The following ELMOD2 variants were observed in gnomAD, a reference collection of about 807,000 sequenced individuals.
ELMOD2 encodes the protein ELMO domain containing 2, also known as ELMO domain-containing protein 2.
Under a neutral mutation model 41.0 loss-of-function variants are expected in ELMOD2, and 28 were observed. That is an observed-to-expected ratio of 0.68 (90% CI 0.51 to 0.94). The LOEUF is 0.94. ELMOD2 is among the 40% of genes least tolerant of loss of function. ELMOD2 has a pLI of 0.00. For missense variants in ELMOD2, 333 were observed against 343.1 expected, an observed-to-expected ratio of 0.97 and a Z score of 0.23; for synonymous variants, 106 against 107.2, an observed-to-expected ratio of 0.99 and a Z score of 0.07.
chr4:140,535,563 T>C (rs1037294439), intron 3 of ELMOD2, 170 bp from the exon 4 acceptor site: 3 of 581,078 alleles, frequency 5.2e-6, no homozygotes, highest in Admixed American at 3.3e-5. Flanking sequence ...AAACTATATA[T>C]ATATATGTGA....
intron 6 of ELMOD2, among the ~76,000 whole-genome samples, chr4:140,541,703 C>G (rs954156453): frequency 2.0e-5 from 3 of 152,034 alleles, no homozygotes; most frequent in African/African-American, 7.2e-5. Context: ...TTCCTGGATT[C>G]CCCTTCATTC....
intron 3 of ELMOD2, among the ~76,000 whole-genome samples, chr4:140,530,769 A>T (rs971522683): frequency 5.9e-5 from 9 of 152,094 alleles, no homozygotes; most frequent in African/African-American, 1.9e-4. Context: ...AATATAATTT[A>T]TGTGTGTATT....
At chr4:140,543,882 A>G (rs1478899177) in intron 8 of ELMOD2, among the ~76,000 whole-genome samples, 2 of 152,220 alleles carry the variant, frequency 1.3e-5, no homozygotes, top group Non-Finnish European at 2.9e-5. Context: ...TACAAAATGT[A>G]TTTTCCCTCT....
chr4:140,528,970 C>G (rs1734656247), intron 3 of ELMOD2, among the ~76,000 whole-genome samples: 1 of 152,172 alleles, frequency 6.6e-6, no homozygotes, highest in Non-Finnish European at 1.5e-5. Context: ...ACATAGGATG[C>G]AGTTTCCCAA....
intron 8 of ELMOD2, 92 bp downstream of exon 8, chr4:140,543,678 G>A: frequency 9.7e-7 from 1 of 1,031,870 alleles, no homozygotes; most frequent in East Asian, 3.0e-5. Context: ...TGTTGTCTCT[G>A]TGAAGTATAT....
chr4:140,540,335 A>G (rs1735066883), intron 6 of ELMOD2, 34 bp downstream of exon 6: 1 of 1,607,832 alleles, frequency 6.2e-7, no homozygotes, highest in Non-Finnish European at 8.5e-7. Context: ...TCTTCCCTAA[A>G]TGAAATTACA....
intron 8 of ELMOD2, among the ~76,000 whole-genome samples, chr4:140,544,255 AC>A (rs1353468351): frequency 6.6e-6 from 1 of 152,182 alleles, no homozygotes; most frequent in East Asian, 1.9e-4. Context: ...ATAAGAAACT[AC>A]TTAGATAATA....
chr4:140,546,039 AT>A (rs1268824728), intron 8 of ELMOD2, among the ~76,000 whole-genome samples: 2 of 97,664 alleles, frequency 2.0e-5, no homozygotes, highest in Non-Finnish European at 4.3e-5. Flanking sequence ...ATGCACACAT[AT>A]GTTTATTGCG....
In ELMOD2 at chr4:140,535,726, T is replaced by A; in HGVS notation, c.172-7T>A. The stretch of plus-strand genomic sequence containing the variant: ...TTTTCTCATTTGGCTTTCTTTTACA[T>A]AAATAGGTTTTACAGAAGGCGACAC... On this transcript the variant is annotated splice_region_variant and splice_polypyrimidine_tract_variant and intron_variant, in intron 3 of 8. Transcript: ENST00000323570. 6.2e-7 allele frequency: 1 copy of A among 1,605,260 alleles called. No homozygotes were observed. The highest frequency in any genetic ancestry group is 8.5e-7 in the Non-Finnish European group (1 of 1,177,474).
chr4:140,543,309 A>G, intron 7 of ELMOD2, 144 bp from the exon 8 acceptor site: 1 of 825,566 alleles, frequency 1.2e-6, no homozygotes, highest in South Asian at 2.2e-5. Context: ...TCTTTCTAGT[A>G]TATTTTTCTT....
At chr4:140,547,671 G>A (rs1022116766) in intron 8 of ELMOD2, among the ~76,000 whole-genome samples, 1 of 152,118 alleles carries the variant, frequency 6.6e-6, no homozygotes, top group Non-Finnish European at 1.5e-5. Flanking sequence ...AAATTGGGTA[G>A]CCATCATCAT....
chr4:140,540,316 A>T lies in ELMOD2; in HGVS notation c.533+15A>T. On this transcript the variant is annotated intron_variant, in intron 6 of 8. Transcript: ENST00000323570. Reference sequence around the variant, plus strand: ...ATCAATCTTGTGTAAGTGAAAGTAAACTTTCTTTTCTTCCCTAAATGAAAT... The same window carrying T: ...ATCAATCTTGTGTAAGTGAAAGTAATCTTTCTTTTCTTCCCTAAATGAAAT... 6.2e-7 allele frequency: 1 copy of T among 1,610,492 alleles called. No individual in the cohort carries two copies. The highest frequency in any genetic ancestry group is 8.5e-7 in the Non-Finnish European group (1 of 1,178,642).
Position 140,543,534 on chromosome 4 carries a change from C to G in ELMOD2, c.684C>G (p.Leu228=). 1 of 1,606,152 alleles carries G rather than the reference C, an allele frequency of 6.2e-7. No homozygotes were observed. The highest frequency in any genetic ancestry group is 1.1e-5 in the South Asian group (1 of 89,364). ...AGAGTGAAGCTTTGAAGTTTCATCT[C>G]TATAACCTTGTTCCTGGTATACCAA... ...LLKSEALKFH[L]YNLVPGIPTM... The change falls in exon 8 of 9, where the codon CTC becomes CTG. Residue 228 remains leucine (L), a synonymous_variant. Coordinates refer to ENST00000323570, the MANE Select transcript of ELMOD2 (RefSeq NM_153702.4).
chr4:140,548,354 A>C (rs1735358985), intron 8 of ELMOD2, among the ~76,000 whole-genome samples: 1 of 152,188 alleles, frequency 6.6e-6, no homozygotes, highest in Non-Finnish European at 1.5e-5. Context: ...TAGAGATAGC[A>C]GATGGTATTT....
chr4:140,527,661 G>A, intron 3 of ELMOD2, 167 bp downstream of exon 3: 2 of 551,850 alleles, frequency 3.6e-6, no homozygotes, highest in Non-Finnish European at 6.4e-6. Context: ...CTATATATGT[G>A]TTTTTCGTGT....
intron 5 of ELMOD2, among the ~76,000 whole-genome samples, chr4:140,539,229 C>T (rs996584504): frequency 3.3e-5 from 5 of 152,136 alleles, no homozygotes; most frequent in Admixed American, 6.5e-5. Flanking sequence ...TGCAAATTTT[C>T]GCAAACCTTC....
At chr4:140,538,815 A>G (rs981867928) in intron 5 of ELMOD2, among the ~76,000 whole-genome samples, 4 of 152,238 alleles carry the variant, frequency 2.6e-5, no homozygotes, top group Admixed American at 6.5e-5. Flanking sequence ...AGCATTTACT[A>G]TGTACACTCC....
intron 2 of ELMOD2, chr4:140,526,706 A>G (rs1289045639): frequency 1.3e-5 from 2 of 152,222 alleles, no homozygotes; most frequent in Admixed American, 6.5e-5. Context: ...TTACAACTTC[A>G]TGGTTGACTT....
chr4:140,527,514 G>A lies in ELMOD2; in HGVS notation c.171+20G>A. 6.4e-7 allele frequency: 1 copy of A among 1,561,858 alleles called. No individual in the cohort carries two copies. The highest frequency in any genetic ancestry group is 2.2e-5 in the Admixed American group (1 of 46,264). On this transcript the variant is annotated intron_variant, in intron 3 of 8. Transcript: ENST00000323570. Reference sequence around the variant, plus strand: ...AATAAGGTAGGATAACATAAAGGTGGTAACTCTAGAAAACTTAACGTGGAC... The same window carrying A: ...AATAAGGTAGGATAACATAAAGGTGATAACTCTAGAAAACTTAACGTGGAC...
Sources: gnomAD v4.1 joint callset for allele counts (sites outside exome capture counted in the v4.1 genomes callset) on GRCh38, gnomAD v4.1.1 for gene constraint, MANE v1.5 for transcripts, NCBI Gene and HGNC (gene_info 2026-07-23, HGNC 2026-07-21) for gene names.